Variants in DST observed in about 807,000 individuals in gnomAD.
The protein encoded by DST is dystonin.
In DST, 253 loss-of-function variants were observed where a neutral mutation model predicts 875.2. The observed-to-expected ratio is 0.29, with a 90% CI of 0.26 to 0.32. DST has a LOEUF of 0.32. Among genes scored for constraint, DST ranks in the 10% least tolerant of loss-of-function variants. The pLI is 1.00. For missense variants in DST, 8,287 were observed against 9,111.6 expected (o/e 0.91, Z 3.68); for synonymous variants, 3,124 against 3,197.1 (o/e 0.98, Z 0.77).
At chr6:56,627,936 G>T in intron 33 of DST, 63 bp downstream of exon 33, 2 of 1,446,158 alleles carry the variant, frequency 1.4e-6, no homozygotes, top group Non-Finnish European at 1.9e-6. Context: ...AGGAAAGGAA[G>T]ATGAGGAGCA....
intron 90 of DST, among the ~76,000 whole-genome samples, chr6:56,479,513 T>C (rs1032664237): frequency 1.4e-5 from 2 of 140,024 alleles, no homozygotes; most frequent in Admixed American, 1.5e-4. Context: ...ACCAAAGTCA[T>C]AGAACCAATA....
In DST at chr6:56,466,312, C is replaced by A. The variant is rs184492603; in HGVS notation, c.22570-117G>T. The A allele has an allele frequency of 5.8e-5, 34 of 588,562 alleles. No homozygotes were observed. In the East Asian group the frequency reaches 8.2e-4, roughly 14 times the overall value. The allele number at this position is 588,562 out of a possible 1,614,324, so 36.5% of individuals were successfully genotyped here. A position where few individuals can be genotyped will look rare whatever the true frequency, so the allele number is the denominator to read the frequency against. ...CTTTAATTTCTTGCTTAGTTCATAG[C>A]GATTAGTAAAATCTCAGAAAAGGGG... is the stretch of plus-strand genomic sequence containing the variant. On this transcript the variant is annotated intron_variant, in intron 98 of 103. Coordinates refer to ENST00000680361, the MANE Select transcript of DST (RefSeq NM_001374736.1).
chr6:56,908,170 TA>T (rs1382496001), intron 2 of DST, among the ~76,000 whole-genome samples: 7 of 152,166 alleles, frequency 4.6e-5, no homozygotes, highest in Non-Finnish European at 7.3e-5. Context: ...ATACAAGATA[TA>T]AATTTACCAT....
At chr6:56,568,777 C>T (rs1007068677) in intron 54 of DST, among the ~76,000 whole-genome samples, 182 bp from the exon 55 acceptor site, 1 of 152,146 alleles carries the variant, frequency 6.6e-6, no homozygotes, top group Non-Finnish European at 1.5e-5. Flanking sequence ...TCTCAGTTAA[C>T]GGTTGGGTAT....
chr6:56,890,738 T>C lies in DST; in HGVS notation c.417+9683A>G, dbSNP rs73459708. Among the ~76,000 whole-genome samples, 1,404 of 152,366 alleles carry C rather than the reference T, an allele frequency of 9.2e-3. 18 individuals carry two copies. The highest frequency in any genetic ancestry group is 0.032 in the African/African-American group (1,339 of 41,588). The stretch of plus-strand genomic sequence containing the variant: ...CACATAACACTTCAAGAGGATGGTC[T>C]GACTGAAAGTAGCTAAAACTGCACA... On this transcript the variant is annotated intron_variant, in intron 3 of 103. Coordinates refer to ENST00000680361, the MANE Select transcript of DST (RefSeq NM_001374736.1).
At chr6:56,926,674 T>G (rs1807271619) in intron 2 of DST, among the ~76,000 whole-genome samples, 1 of 152,200 alleles carries the variant, frequency 6.6e-6, no homozygotes, top group Non-Finnish European at 1.5e-5. Context: ...TTTCCTTTAC[T>G]CACACTAAAG....
chr6:56,461,071 T>A (rs1362032017), intron 102 of DST: 1 of 152,138 alleles, frequency 6.6e-6, no homozygotes, highest in African/African-American at 2.4e-5. Flanking sequence ...TATTCCTCAA[T>A]GAAAACACAG....
At chr6:56,836,850 C>CAAAAA (rs1362120373) in intron 4 of DST, among the ~76,000 whole-genome samples, 1 of 74,458 alleles carries the variant, frequency 1.3e-5, no homozygotes, top group African/African-American at 5.7e-5. Context: ...GACTCCATCT[C>CAAAAA]AAAAAAAAAA....
At chr6:56,477,167 T>C (rs1562244214) in intron 91 of DST, among the ~76,000 whole-genome samples, 178 bp downstream of exon 91, 1 of 152,190 alleles carries the variant, frequency 6.6e-6, no homozygotes. Context: ...TTTGAGCTTT[T>C]AAAGAAAAGT....
At chr6:56,470,365 T>A in intron 95 of DST, 83 bp from the exon 96 acceptor site, 1 of 1,167,126 alleles carries the variant, frequency 8.6e-7, no homozygotes, top group Non-Finnish European at 1.2e-6. Context: ...AATCTCAGTG[T>A]AGCTGGTTAA....
chr6:56,844,986 G>A (rs1351330321), intron 4 of DST, among the ~76,000 whole-genome samples: 2 of 152,096 alleles, frequency 1.3e-5, no homozygotes, highest in Non-Finnish European at 2.9e-5. Flanking sequence ...GTAAAACAGC[G>A]ATAGTAGTGC....
intron 4 of DST, among the ~76,000 whole-genome samples, chr6:56,834,249 G>A (rs1243922694): frequency 6.6e-6 from 1 of 151,994 alleles, no homozygotes; most frequent in East Asian, 1.9e-4. Context: ...CTTAAAAAGC[G>A]GGCAAAAGAT....
chr6:56,842,667 A>C (rs1192362050), intron 4 of DST, among the ~76,000 whole-genome samples: 2 of 152,166 alleles, frequency 1.3e-5, no homozygotes. Flanking sequence ...CTACAGGGCT[A>C]ACCAATACCC....
At chr6:56,744,378 C>CAAAAA (rs35008377) in intron 4 of DST, among the ~76,000 whole-genome samples, 2 of 132,712 alleles carry the variant, frequency 1.5e-5, no homozygotes, top group African/African-American at 2.7e-5. Flanking sequence ...GGCTGTATCT[C>CAAAAA]AAAAAAAAAA....
At chr6:56,859,602 T>C (rs1769911353) in intron 3 of DST, among the ~76,000 whole-genome samples, 1 of 152,156 alleles carries the variant, frequency 6.6e-6, no homozygotes, top group Admixed American at 6.5e-5. Flanking sequence ...ACTCAAATAC[T>C]GAAAACATAT....
At chr6:56,584,570 T>C (rs1002192573) in intron 49 of DST, among the ~76,000 whole-genome samples, 4 of 151,076 alleles carry the variant, frequency 2.6e-5, no homozygotes, top group Non-Finnish European at 5.9e-5. Context: ...CTTTTCCTAA[T>C]TGAATACCCT....
chr6:56,468,642 G>A (rs1297863830), intron 98 of DST, among the ~76,000 whole-genome samples: 10 of 152,066 alleles, frequency 6.6e-5, no homozygotes, highest in Non-Finnish European at 1.5e-5. Flanking sequence ...AGAGATGTGT[G>A]GAGAATCAAA....
In DST at chr6:56,905,214, C is replaced by T. The variant is rs1313333193; in HGVS notation, c.217-4593G>A. ...GGATAATCATTTCCCAAGATGTGCA[C>T]TCGTGTGTGTGTGTGTGTGTTTGTG... On this transcript the variant is annotated intron_variant, in intron 2 of 103. Transcript: ENST00000680361. Among the ~76,000 whole-genome samples the T allele has an allele frequency of 1.3e-5, 2 of 151,974 alleles. 1 individual carries two copies. The highest frequency in any genetic ancestry group is 4.1e-4 in the South Asian group (2 of 4,824).
In DST at chr6:56,693,282, A is replaced by G. The variant is rs959823875; in HGVS notation, c.1047+6371T>C. 6.8e-6 allele frequency: 8 copies of G among 1,178,936 alleles called. No individual in the cohort carries two copies. In the African/African-American group the frequency reaches 1.3e-4, roughly 19 times the overall value. The allele number at this position is 1,178,936 out of a possible 1,614,324, so 73.0% of individuals were successfully genotyped here. A position where few individuals can be genotyped will look rare whatever the true frequency, so the allele number is the denominator to read the frequency against. Reference sequence around the variant, plus strand: ...CACAGACTTTATGACCATCCTCTTCAGTCTGAGGCCATTTTGCTTATGAGA... The same window carrying G: ...CACAGACTTTATGACCATCCTCTTCGGTCTGAGGCCATTTTGCTTATGAGA... On this transcript the variant is annotated intron_variant, in intron 9 of 103. Coordinates refer to ENST00000680361, the MANE Select transcript of DST (RefSeq NM_001374736.1).
Sources: allele counts gnomAD v4.1 joint callset (sites outside exome capture counted in the v4.1 genomes callset), GRCh38; gene constraint gnomAD v4.1.1; transcripts MANE v1.5; gene names NCBI Gene and HGNC (gene_info 2026-07-23, HGNC 2026-07-21).